STK33: variants seen among roughly 807,000 people sequenced by gnomAD.
STK33 encodes the protein serine/threonine-protein kinase 33.
A neutral mutation model predicts 58.0 loss-of-function variants in STK33; 52 were observed. The observed-to-expected ratio is 0.90, with a 90% CI of 0.72 to 1.13. STK33 has a LOEUF of 1.13. STK33 is among the 50% of genes most tolerant of loss of function. The pLI, the probability that STK33 is intolerant of heterozygous loss-of-function variation, is 0.00. For missense variants in STK33, 630 were observed against 604.2 expected, an observed-to-expected ratio of 1.04 and a Z score of -0.45; for synonymous variants, 215 against 200.1, an observed-to-expected ratio of 1.07 and a Z score of -0.63.
intron 12 of STK33, among the ~76,000 whole-genome samples, chr11:8,439,459 A>G (rs1396893882): frequency 6.6e-6 from 1 of 152,106 alleles, no homozygotes; most frequent in African/African-American, 2.4e-5. Context: ...GTTTTGCATG[A>G]TACCTTAAAA....
chr11:8,573,314 T>C (rs1219910060), intron 1 of STK33, among the ~76,000 whole-genome samples: 1 of 152,138 alleles, frequency 6.6e-6, no homozygotes, highest in Non-Finnish European at 1.5e-5. Flanking sequence ...AGATACACAA[T>C]GGCAAATAAG....
intron 4 of STK33, 35 bp downstream of exon 4, chr11:8,476,652 C>T (rs1188709996): frequency 6.6e-6 from 1 of 152,204 alleles, no homozygotes; most frequent in African/African-American, 2.4e-5. Flanking sequence ...ACCACCTCAT[C>T]TAAAACAACA....
intron 15 of STK33, among the ~76,000 whole-genome samples, chr11:8,397,218 G>C (rs1328089960): frequency 6.6e-6 from 1 of 152,204 alleles, no homozygotes; most frequent in Non-Finnish European, 1.5e-5. Context: ...CCCCAAGTAG[G>C]GGCAGACTGA....
At chr11:8,534,556 CTCTCTCTCTCTCTGTGTG>C (rs1171537160) in intron 1 of STK33, among the ~76,000 whole-genome samples, 130 of 130,632 alleles carry the variant, frequency 1.0e-3, no homozygotes, top group African/African-American at 4.1e-3. Context: ...CTCTCTCTCT[CTCTCTCTCTCTCTGTGTG>C]TGTGTGTGTG....
chr11:8,567,162 T>C (rs930238770), intron 1 of STK33: 1 of 152,012 alleles, frequency 6.6e-6, no homozygotes, highest in Non-Finnish European at 1.5e-5. Context: ...ATAATAACAA[T>C]GTTTAAAACA....
the STK33 span, among the ~76,000 whole-genome samples, chr11:8,363,515 C>T: frequency 6.6e-6 from 1 of 152,110 alleles, no homozygotes; most frequent in Non-Finnish European, 1.5e-5. Flanking sequence ...TTAGTCTTGC[C>T]TGCCTTTGAA....
At chr11:8,511,090 T>C (rs1414157929) in intron 1 of STK33, among the ~76,000 whole-genome samples, 1 of 152,222 alleles carries the variant, frequency 6.6e-6, no homozygotes, top group African/African-American at 2.4e-5. Flanking sequence ...AGTATGGTCA[T>C]TTTCACAATA....
chr11:8,433,868 C>T (rs1591018841), intron 14 of STK33: 1 of 152,238 alleles, frequency 6.6e-6, no homozygotes, highest in Non-Finnish European at 1.5e-5. Flanking sequence ...ACTACTTCAA[C>T]ATCTATCTAA....
intron 1 of STK33, among the ~76,000 whole-genome samples, chr11:8,517,259 C>T (rs556507951): frequency 6.6e-6 from 1 of 152,314 alleles, no homozygotes; most frequent in South Asian, 2.1e-4. Context: ...AACAGACCTG[C>T]AGGTGAGGGT....
intron 15 of STK33, among the ~76,000 whole-genome samples, chr11:8,397,813 T>C (rs1441750196): frequency 6.7e-6 from 1 of 149,736 alleles, no homozygotes; most frequent in Non-Finnish European, 1.5e-5. Flanking sequence ...ACATGACAAA[T>C]GCATAAGCCT....
intron 1 of STK33, among the ~76,000 whole-genome samples, chr11:8,496,826 G>A (rs1014863747): frequency 1.3e-5 from 2 of 151,716 alleles, no homozygotes; most frequent in South Asian, 2.1e-4. Flanking sequence ...CACCTGCCTC[G>A]GCCTCCCAAA....
chr11:8,501,503 G>C (rs1345380521), intron 1 of STK33, among the ~76,000 whole-genome samples: 1 of 152,072 alleles, frequency 6.6e-6, no homozygotes, highest in Non-Finnish European at 1.5e-5. Flanking sequence ...CATTCACTAG[G>C]ACAGCTATAG....
chr11:8,525,713 G>C (rs942743161), intron 1 of STK33, among the ~76,000 whole-genome samples: 1 of 152,078 alleles, frequency 6.6e-6, no homozygotes, highest in African/African-American at 2.4e-5. Context: ...ATGCAAAGAC[G>C]ATAAAGCCTT....
chr11:8,370,449 T>C, the STK33 span, among the ~76,000 whole-genome samples: 13 of 152,116 alleles, frequency 8.5e-5, no homozygotes, highest in African/African-American at 3.1e-4. Context: ...CATCTTGCCT[T>C]GCCTCCAAAA....
intron 11 of STK33, 129 bp from the exon 12 acceptor site, chr11:8,440,882 G>C (rs536633637): frequency 4.6e-6 from 4 of 867,732 alleles, no homozygotes; most frequent in Middle Eastern, 3.6e-4. Context: ...AGAACCAACA[G>C]CAGATCTTAA....
chr11:8,548,064 T>C (rs576867450), intron 1 of STK33, among the ~76,000 whole-genome samples: 1 of 151,450 alleles, frequency 6.6e-6, no homozygotes, highest in Non-Finnish European at 1.5e-5. Flanking sequence ...CTAATGTAAA[T>C]GACGAGTTAA....
the STK33 span, among the ~76,000 whole-genome samples, chr11:8,375,126 G>A: frequency 6.6e-6 from 1 of 152,362 alleles, no homozygotes; most frequent in East Asian, 1.9e-4. Context: ...GGTTTGAAGA[G>A]ATGCCATCCT....
chr11:8,521,515 T>C (rs994124543), intron 1 of STK33, among the ~76,000 whole-genome samples: 5 of 152,176 alleles, frequency 3.3e-5, no homozygotes, highest in Non-Finnish European at 7.4e-5. Flanking sequence ...CCTAAAACCA[T>C]AAAAACCCTA....
intron 1 of STK33, among the ~76,000 whole-genome samples, chr11:8,488,404 C>T (rs994916417): frequency 2.0e-5 from 3 of 151,956 alleles, no homozygotes; most frequent in Middle Eastern, 3.2e-3. Flanking sequence ...TATGCATGCA[C>T]AGGAAAGACT....
Sources: gnomAD v4.1 joint callset for allele counts (sites outside exome capture counted in the v4.1 genomes callset) on GRCh38, gnomAD v4.1.1 for gene constraint, MANE v1.5 for transcripts, NCBI Gene and HGNC (gene_info 2026-07-23, HGNC 2026-07-21) for gene names.